Variants in PRKACB observed in about 807,000 individuals in gnomAD.
PRKACB encodes protein kinase cAMP-activated catalytic subunit beta.
In PRKACB, 16 loss-of-function variants were observed where a neutral mutation model predicts 51.4. That is an observed-to-expected ratio of 0.31 (90% CI 0.21 to 0.47). The LOEUF (loss-of-function observed/expected upper bound fraction) is 0.47. Among genes scored for constraint, PRKACB ranks in the 20% least tolerant of loss-of-function variants. PRKACB has a pLI of 1.00. For missense variants in PRKACB, 309 were observed against 464.5 expected (o/e 0.67, Z 3.08); for synonymous variants, 147 against 154.4 (o/e 0.95, Z 0.35).
At chr1:84,114,362 G>T (rs754715256) in intron 1 of PRKACB, among the ~76,000 whole-genome samples, 34 of 152,204 alleles carry the variant, frequency 2.2e-4, no homozygotes, top group Non-Finnish European at 4.1e-4. Flanking sequence ...ACATTTGAAG[G>T]TTATAAGCAA....
intron 5 of PRKACB, among the ~76,000 whole-genome samples, chr1:84,192,757 G>T (rs1667163385): frequency 6.6e-6 from 1 of 152,050 alleles, no homozygotes; most frequent in African/African-American, 2.4e-5. Flanking sequence ...TTTTAGTTTT[G>T]TTGTAAGAAC....
chr1:84,189,003 T>G (rs891645556), intron 5 of PRKACB, among the ~76,000 whole-genome samples: 4 of 151,984 alleles, frequency 2.6e-5, no homozygotes, highest in African/African-American at 9.7e-5. Flanking sequence ...TCAGTTTTTC[T>G]GAGTAATGAA....
chr1:84,164,405 GGTTCAACATGGGATT>G, intron 1 of PRKACB: 1 of 1,575,018 alleles, frequency 6.3e-7, no homozygotes, highest in Non-Finnish European at 8.6e-7. Flanking sequence ...CTCCTTGCCA[GGTTCAACATGGGATT>G]GTGTGAGTAT....
At chr1:84,208,155 C>T (rs1671619293) in intron 8 of PRKACB, among the ~76,000 whole-genome samples, 1 of 152,168 alleles carries the variant, frequency 6.6e-6, no homozygotes, top group African/African-American at 2.4e-5. Flanking sequence ...AATTTGAAGT[C>T]AGTAAACTAG....
intron 1 of PRKACB, among the ~76,000 whole-genome samples, chr1:84,086,551 C>G (rs979110059): frequency 2.6e-5 from 4 of 152,204 alleles, no homozygotes; most frequent in African/African-American, 9.7e-5. Flanking sequence ...CTGGTCCCTT[C>G]CGATCTGAAG....
chr1:84,197,850 G>C (rs1439270794), intron 7 of PRKACB, 26 bp downstream of exon 7: 2 of 1,511,810 alleles, frequency 1.3e-6, no homozygotes, highest in African/African-American at 2.8e-5. Context: ...CAACACATAA[G>C]AAGTAGAAAT....
At chr1:84,085,807 C>A (rs766959152) in intron 1 of PRKACB, 3 of 411,188 alleles carry the variant, frequency 7.3e-6, no homozygotes, top group Non-Finnish European at 1.4e-5. Flanking sequence ...CTCTCAGGAT[C>A]GGTGGCCACC....
At chr1:84,185,685 G>A (rs1386824608) in intron 5 of PRKACB, among the ~76,000 whole-genome samples, 1 of 152,016 alleles carries the variant, frequency 6.6e-6, no homozygotes, top group Non-Finnish European at 1.5e-5. Context: ...TTTAACGGGA[G>A]TTTGTACCTC....
intron 1 of PRKACB, chr1:84,164,276 A>T: frequency 1.3e-6 from 2 of 1,484,590 alleles, no homozygotes; most frequent in Non-Finnish European, 1.8e-6. Context: ...CGGCAATAAG[A>T]TTCATCGCCA....
rs547238995 is a variant in PRKACB, at chr1:84,208,968, C to T, written c.907-5185C>T. ...ATTTTTTAGGTGGCAAGGATGTTCA[C>T]TTTTATTTCATTTAACTCTCTAGTC... On this transcript the variant is annotated intron_variant, in intron 8 of 9. Transcript: ENST00000370685. Among the ~76,000 whole-genome samples, 81 of 152,270 alleles carry T rather than the reference C, an allele frequency of 5.3e-4. 1 individual carries two copies. The South Asian group carries it at 0.017, about 31-fold the overall frequency.
intron 3 of PRKACB, among the ~76,000 whole-genome samples, chr1:84,183,770 T>G (rs1384676110): frequency 6.6e-6 from 1 of 151,864 alleles, no homozygotes; most frequent in Non-Finnish European, 1.5e-5. Context: ...AGCTCTCACT[T>G]CTTAATTGAA....
At chr1:84,106,379 T>G (rs1255045953) in intron 1 of PRKACB, among the ~76,000 whole-genome samples, 1 of 152,100 alleles carries the variant, frequency 6.6e-6, no homozygotes, top group Non-Finnish European at 1.5e-5. Context: ...GCCCAGAAGC[T>G]CCCTGATCTG....
intron 1 of PRKACB, among the ~76,000 whole-genome samples, chr1:84,092,262 T>C (rs1449620994): frequency 6.6e-6 from 1 of 152,190 alleles, no homozygotes; most frequent in Non-Finnish European, 1.5e-5. Context: ...AGATTTAAAA[T>C]GTGGAATACT....
intron 1 of PRKACB, among the ~76,000 whole-genome samples, chr1:84,118,309 A>T (rs913879219): frequency 7.2e-5 from 11 of 152,118 alleles, no homozygotes; most frequent in Non-Finnish European, 1.3e-4. Flanking sequence ...TATTTATAGT[A>T]TGATTATCTA....
chr1:84,166,131 G>A (rs915451677), intron 1 of PRKACB, among the ~76,000 whole-genome samples: 1 of 151,562 alleles, frequency 6.6e-6, no homozygotes, highest in African/African-American at 2.4e-5. Context: ...ATATTAAAGG[G>A]ACATTTTAAC....
At chr1:84,131,157 G>A (rs1267290852) in intron 1 of PRKACB, among the ~76,000 whole-genome samples, 2 of 152,080 alleles carry the variant, frequency 1.3e-5, no homozygotes, top group African/African-American at 4.8e-5. Context: ...AGGAGTTTGA[G>A]AACAGCCTCA....
chr1:84,146,145 G>GT (rs71097834), intron 1 of PRKACB, among the ~76,000 whole-genome samples: 137 of 142,150 alleles, frequency 9.6e-4, no homozygotes, highest in Admixed American at 5.9e-3. Flanking sequence ...ATGCTGTTTT[G>GT]TTTTTTTTTT....
rs1353970952 is a variant in PRKACB, at chr1:84,238,443, T to C, written c.*3138T>C. 6.5e-6 allele frequency: 1 copy of C among 152,758 alleles called. No homozygotes were observed. Among genetic ancestry groups the C allele is most frequent in the African/African-American group, 2.4e-5 (1 of 41,578 alleles). The allele number at this position is 152,758 out of a possible 1,614,324, so 9.5% of individuals were successfully genotyped here. ...AGCTAGGAAATGCTGAAAACAACTG[T>C]GTTTTTTAATTAATCAATAACTGCA... is the stretch of plus-strand genomic sequence containing the variant. On this transcript the variant is annotated 3_prime_UTR_variant, in exon 10 of 10. Transcript: ENST00000370685.
chr1:84,148,503 T>C (rs1180185481), intron 1 of PRKACB, among the ~76,000 whole-genome samples: 1 of 152,154 alleles, frequency 6.6e-6, no homozygotes, highest in Non-Finnish European at 1.5e-5. Context: ...TTTATTTCAG[T>C]ATTACTAGCA....
Sources: allele counts gnomAD v4.1 joint callset (sites outside exome capture counted in the v4.1 genomes callset), GRCh38; gene constraint gnomAD v4.1.1; transcripts MANE v1.5; gene names NCBI Gene and HGNC (gene_info 2026-07-23, HGNC 2026-07-21).